IQCJ: variants seen among roughly 807,000 people sequenced by gnomAD.
The protein encoded by IQCJ is IQ motif containing J.
A neutral mutation model predicts 11.0 loss-of-function variants in IQCJ; 9 were observed. That is an observed-to-expected ratio of 0.82 (90% CI 0.49 to 1.43). The LOEUF is 1.43. Ranked by LOEUF, IQCJ falls within the 40% of genes most tolerant of loss-of-function variation. The probability of loss-of-function intolerance (pLI) is 0.00; values close to 1 mark genes in which losing one functional copy is unlikely to be tolerated. For missense variants in IQCJ, 146 were observed against 133.2 expected (o/e 1.10, Z -0.47); for synonymous variants, 55 against 51.3 (o/e 1.07, Z -0.31).
chr3:159,155,082 G>A (rs1248138118), intron 1 of IQCJ, among the ~76,000 whole-genome samples: 2 of 152,054 alleles, frequency 1.3e-5, no homozygotes, highest in Non-Finnish European at 1.5e-5. Context: ...CACTGAACAC[G>A]GGCTCCCCTT....
chr3:159,253,635 A>T (rs905824971), intron 3 of IQCJ, among the ~76,000 whole-genome samples: 2 of 146,186 alleles, frequency 1.4e-5, no homozygotes, highest in African/African-American at 2.5e-5. Flanking sequence ...ACACACACAC[A>T]CTCACACACT....
At chr3:159,244,197 T>G (rs74493958) in intron 1 of IQCJ, among the ~76,000 whole-genome samples, 3 of 152,164 alleles carry the variant, frequency 2.0e-5, no homozygotes, top group African/African-American at 4.8e-5. Context: ...GAGTGAAGTT[T>G]AGAGAAGAGA....
intron 1 of IQCJ, among the ~76,000 whole-genome samples, chr3:159,078,295 G>C (rs1716078333): frequency 6.6e-6 from 1 of 152,048 alleles, no homozygotes; most frequent in Admixed American, 6.6e-5. Flanking sequence ...CTATATAAAA[G>C]TTACATTGCT....
At chr3:159,078,652 T>C (rs1303137809) in intron 1 of IQCJ, among the ~76,000 whole-genome samples, 1 of 151,854 alleles carries the variant, frequency 6.6e-6, no homozygotes, top group Non-Finnish European at 1.5e-5. Context: ...TTGGAATTAC[T>C]TTTAACTCTG....
At chr3:159,236,268 G>GA (rs35351745) in intron 1 of IQCJ, among the ~76,000 whole-genome samples, 64,980 of 112,862 alleles carry the variant, frequency 0.58, 17,441 homozygotes, top group Non-Finnish European at 0.65. Flanking sequence ...TGCTCCTTTT[G>GA]AAAAAAAAAA....
At chr3:159,131,646 C>T (rs1559997145) in intron 1 of IQCJ, among the ~76,000 whole-genome samples, 1 of 152,026 alleles carries the variant, frequency 6.6e-6, no homozygotes, top group Non-Finnish European at 1.5e-5. Flanking sequence ...TTTCTGGATG[C>T]CTCACCATCC....
At chr3:159,115,345 G>C (rs1380563814) in intron 1 of IQCJ, among the ~76,000 whole-genome samples, 3 of 152,122 alleles carry the variant, frequency 2.0e-5, no homozygotes, top group African/African-American at 7.2e-5. Context: ...GATTGCATGG[G>C]CTAATTTAGA....
intron 1 of IQCJ, among the ~76,000 whole-genome samples, chr3:159,240,147 G>T (rs772504443): frequency 6.6e-6 from 1 of 152,088 alleles, no homozygotes; most frequent in Non-Finnish European, 1.5e-5. Flanking sequence ...TGGAACCAGA[G>T]TCTATAGGAC....
intron 1 of IQCJ, among the ~76,000 whole-genome samples, chr3:159,209,891 T>C (rs1166802586): frequency 3.3e-5 from 5 of 152,204 alleles, no homozygotes; most frequent in Non-Finnish European, 7.3e-5. Context: ...TTCAGAAGGG[T>C]TGGGTCTGCC....
chr3:159,263,232 T>TG lies in IQCJ; in HGVS notation c.*502dup. On this transcript the variant is annotated 3_prime_UTR_variant, in exon 4 of 4. Transcript: ENST00000397832. ...GCAGCGCACTTGGCTCCTGACAATGTGACACCATGTGGCGATACAGGCAGG... is the reference window on the plus strand; with the variant it reads ...GCAGCGCACTTGGCTCCTGACAATGTGGACACCATGTGGCGATACAGGCAGG... 2 of 331,056 alleles carry TG rather than the reference T, an allele frequency of 6.0e-6. No homozygotes were observed. The highest frequency in any genetic ancestry group is 8.6e-6 in the Non-Finnish European group (2 of 231,674). The allele number at this position is 331,056 out of a possible 1,614,324, so 20.5% of individuals were successfully genotyped here.
chr3:159,128,729 C>T (rs1719820691), intron 1 of IQCJ, among the ~76,000 whole-genome samples: 3 of 151,956 alleles, frequency 2.0e-5, no homozygotes, highest in Non-Finnish European at 2.9e-5. Context: ...ACACATCACC[C>T]TTCCCTTTCC....
intron 1 of IQCJ, among the ~76,000 whole-genome samples, chr3:159,117,834 A>C (rs1380905494): frequency 2.6e-5 from 4 of 152,198 alleles, no homozygotes; most frequent in Non-Finnish European, 5.9e-5. Context: ...TATTTAAAAG[A>C]ATGAAACAGT....
chr3:159,163,588 C>T (rs1285021475), intron 1 of IQCJ, among the ~76,000 whole-genome samples: 1 of 152,172 alleles, frequency 6.6e-6, no homozygotes, highest in African/African-American at 2.4e-5. Context: ...TGGTCTTGAA[C>T]TTCTGAGCTC....
intron 1 of IQCJ, among the ~76,000 whole-genome samples, chr3:159,123,254 A>T (rs532828492): frequency 1.3e-5 from 2 of 152,144 alleles, no homozygotes; most frequent in East Asian, 3.8e-4. Context: ...ATAACCACCT[A>T]AAGTCAGTTC....
intron 1 of IQCJ, among the ~76,000 whole-genome samples, chr3:159,138,637 T>C (rs1720430356): frequency 1.3e-5 from 2 of 152,174 alleles, no homozygotes; most frequent in Admixed American, 6.5e-5. Context: ...TGAGGAGAAA[T>C]TGGTCATCAC....
chr3:159,252,765 A>C lies in IQCJ; in HGVS notation c.113A>C (p.Lys38Thr), dbSNP rs749880133. ...LAMDAENNIEKYPLNLQPLES... is the reference protein window; with the variant it reads ...LAMDAENNIETYPLNLQPLES... ...ATGGATGCAGAGAATAATATTGAAAAGTATCCCCTCAATCTACAGCCCTTG... is the reference window on the plus strand; with the variant it reads ...ATGGATGCAGAGAATAATATTGAAACGTATCCCCTCAATCTACAGCCCTTG... Residue 38 changes from lysine to threonine, a missense_variant, in exon 3 of 4, where the codon AAG becomes ACG. Physicochemically the swap from Lys to Thr is moderately conservative, Grantham distance 78. Coordinates refer to ENST00000397832, the MANE Select transcript of IQCJ (RefSeq NM_001042706.3). The C allele has an allele frequency of 1.2e-6, 2 of 1,612,854 alleles. No homozygotes were observed. The highest frequency in any genetic ancestry group is 2.2e-5 in the South Asian group (2 of 90,902).
Position 159,245,829 on chromosome 3 carries a change from TCTC to T in IQCJ, c.10-13_10-11del, listed in dbSNP as rs757136502. On this transcript the variant is annotated splice_polypyrimidine_tract_variant and intron_variant, in intron 1 of 3. Coordinates refer to ENST00000397832, the MANE Select transcript of IQCJ (RefSeq NM_001042706.3). ...TGGTGACAATTTGTAAGATATATCT[TCTC>T]TTTTTCACAGGAAGAACTGAAAAGA... The T allele has an allele frequency of 5.2e-6, 8 of 1,539,882 alleles. No individual in the cohort carries two copies. The highest frequency in any genetic ancestry group is 7.0e-6 in the Non-Finnish European group (8 of 1,137,156).
chr3:159,131,436 T>C (rs1028059605), intron 1 of IQCJ, among the ~76,000 whole-genome samples: 1 of 152,094 alleles, frequency 6.6e-6, no homozygotes, highest in East Asian at 1.9e-4. Flanking sequence ...ATGAGAGGCA[T>C]TGGCAAATCA....
intron 1 of IQCJ, among the ~76,000 whole-genome samples, chr3:159,162,566 A>G (rs775397081): frequency 1.3e-5 from 2 of 152,184 alleles, no homozygotes; most frequent in Non-Finnish European, 2.9e-5. Flanking sequence ...TTCCAACACT[A>G]TGTTGAATAG....
Sources: gnomAD v4.1 joint callset for allele counts (sites outside exome capture counted in the v4.1 genomes callset) on GRCh38, gnomAD v4.1.1 for gene constraint, MANE v1.5 for transcripts, NCBI Gene and HGNC (gene_info 2026-07-23, HGNC 2026-07-21) for gene names.